The following LRCH1 variants were observed in gnomAD, a reference collection of about 807,000 sequenced individuals.
LRCH1 encodes leucine rich repeats and calponin homology domain containing 1.
LRCH1 carries 23 observed loss-of-function variants against 94.9 expected under a neutral mutation model. The observed-to-expected ratio is 0.24, with a 90% CI of 0.17 to 0.34. LRCH1 has a LOEUF of 0.34. Among genes scored for constraint, LRCH1 ranks in the 10% least tolerant of loss-of-function variants. The probability of loss-of-function intolerance (pLI) is 1.00; values close to 1 mark genes in which losing one functional copy is unlikely to be tolerated. For missense variants in LRCH1, 790 were observed against 945.9 expected, an observed-to-expected ratio of 0.84 and a Z score of 2.16; for synonymous variants, 364 against 354.9, an observed-to-expected ratio of 1.03 and a Z score of -0.29.
Position 46,693,417 on chromosome 13 carries a change from G to A in LRCH1, c.1120+776G>A, listed in dbSNP as rs533544588. Among the ~76,000 whole-genome samples, 11 of 152,238 alleles carry A rather than the reference G, an allele frequency of 7.2e-5. No homozygotes were observed. The East Asian group carries it at 1.4e-3, about 19-fold the overall frequency. On this transcript the variant is annotated intron_variant, in intron 8 of 19. Transcript: ENST00000389797. ...AGAAGAAGAGCGTGGAGGTTTGCTC[G>A]TGGGAGGTTTTTATGGACTGGGTCT...
At chr13:46,591,782 G>A (rs2050502635) in intron 1 of LRCH1, among the ~76,000 whole-genome samples, 1 of 152,194 alleles carries the variant, frequency 6.6e-6, no homozygotes, top group Admixed American at 6.5e-5. Flanking sequence ...AGAAAAATAG[G>A]GGCTTGGAGC....
In LRCH1 at chr13:46,687,947, G is replaced by A. The variant is rs1870707440; in HGVS notation, c.918G>A (p.Glu306=). 1.1e-5 allele frequency: 18 copies of A among 1,612,584 alleles called. No homozygotes were observed. The highest frequency in any genetic ancestry group is 3.3e-4 in the Middle Eastern group (2 of 6,060). Residue 306 remains glutamate (E), a synonymous_variant, in exon 6 of 20, where the codon GAG becomes GAA. Transcript: ENST00000389797. ...ACTCCCTTTATCTCCACACCATGGA[G>A]AGGCCACATTTACACCAGCACGTGG... is the stretch of plus-strand genomic sequence containing the variant. The part of the protein sequence containing the change: ...TADSLYLHTM[E]RPHLHQHVED...
At chr13:46,608,947 C>CA (rs2050717478) in intron 1 of LRCH1, among the ~76,000 whole-genome samples, 1 of 152,190 alleles carries the variant, frequency 6.6e-6, no homozygotes, top group African/African-American at 2.4e-5. Context: ...GCTTTTCCCT[C>CA]ACTTGCTCAT....
intron 6 of LRCH1, 120 bp downstream of exon 6, chr13:46,688,099 A>C: frequency 1.0e-6 from 1 of 978,568 alleles, no homozygotes; most frequent in Non-Finnish European, 1.4e-6. Flanking sequence ...AAAACAAAGC[A>C]AAACAGAACA....
At chr13:46,727,231 C>T (rs1872867721) in intron 17 of LRCH1, among the ~76,000 whole-genome samples, 1 of 152,090 alleles carries the variant, frequency 6.6e-6, no homozygotes, top group Admixed American at 6.5e-5. Context: ...ATACGTTATT[C>T]ATAACAAAAA....
At chr13:46,736,118 CTGTGTGTGTG>C (rs3138585) in intron 19 of LRCH1, among the ~76,000 whole-genome samples, 16 of 142,298 alleles carry the variant, frequency 1.1e-4, no homozygotes, top group South Asian at 7.0e-4. Context: ...CAAATTTGCT[CTGTGTGTGTG>C]TGTGTGTGTG....
At chr13:46,576,881 GT>G (rs1238160089) in intron 1 of LRCH1, among the ~76,000 whole-genome samples, 1 of 152,154 alleles carries the variant, frequency 6.6e-6, no homozygotes, top group Admixed American at 6.5e-5. Flanking sequence ...TCCAGACACA[GT>G]TTGGCTGGAT....
chr13:46,752,336 C>T (rs191597699), exon 19 of LRCH1: 6 of 152,270 alleles, frequency 3.9e-5, no homozygotes, highest in African/African-American at 1.2e-4. Context: ...TAGAGGGGGA[C>T]GCAAAAGAAA....
At chr13:46,574,331 A>AC (rs1402511465) in intron 1 of LRCH1, among the ~76,000 whole-genome samples, 1 of 152,022 alleles carries the variant, frequency 6.6e-6, no homozygotes, top group Non-Finnish European at 1.5e-5. Context: ...CCTACTATGT[A>AC]CCCCCAGAAA....
At chr13:46,725,940 G>A (rs890309247) in intron 17 of LRCH1, among the ~76,000 whole-genome samples, 3 of 152,138 alleles carry the variant, frequency 2.0e-5, no homozygotes, top group African/African-American at 7.2e-5. Context: ...GATCATTTAT[G>A]TCTTAATTTA....
chr13:46,703,780 C>T (rs964578770), intron 11 of LRCH1, among the ~76,000 whole-genome samples: 3 of 151,746 alleles, frequency 2.0e-5, no homozygotes, highest in Non-Finnish European at 4.4e-5. Flanking sequence ...TATGTAAAAA[C>T]GCACAATGTT....
intron 1 of LRCH1, among the ~76,000 whole-genome samples, chr13:46,640,405 C>T (rs949509076): frequency 6.6e-6 from 1 of 152,150 alleles, no homozygotes; most frequent in Non-Finnish European, 1.5e-5. Flanking sequence ...TAAGTAATTA[C>T]TTCCAAGTTC....
At chr13:46,688,439 A>G (rs78838977) in intron 6 of LRCH1, among the ~76,000 whole-genome samples, 6,307 of 152,290 alleles carry the variant, frequency 0.041, 191 homozygotes, top group Non-Finnish European at 0.066. Flanking sequence ...CAGTATGTGT[A>G]GTTTTGTCGC....
At chr13:46,569,560 T>G (rs574390547) in intron 1 of LRCH1, among the ~76,000 whole-genome samples, 1 of 152,236 alleles carries the variant, frequency 6.6e-6, no homozygotes, top group East Asian at 1.9e-4. Context: ...CCAAATTTCC[T>G]AAATCACTGT....
chr13:46,573,953 G>A (rs11839578), intron 1 of LRCH1, among the ~76,000 whole-genome samples: 4,340 of 146,572 alleles, frequency 0.03, 201 homozygotes, highest in African/African-American at 0.1. Flanking sequence ...ACCTCCACCT[G>A]CCTCGTTCAA....
chr13:46,646,497 A>G (rs2051222894), intron 1 of LRCH1, among the ~76,000 whole-genome samples: 1 of 152,182 alleles, frequency 6.6e-6, no homozygotes, highest in Non-Finnish European at 1.5e-5. Context: ...TTATATTTAA[A>G]TAATTATGTA....
intron 13 of LRCH1, among the ~76,000 whole-genome samples, chr13:46,706,627 T>A (rs1593366377): frequency 6.6e-6 from 1 of 152,174 alleles, no homozygotes. Flanking sequence ...CTCGCTTTGT[T>A]GCCCAGGTTA....
chr13:46,604,264 T>C (rs1226828969), intron 1 of LRCH1, among the ~76,000 whole-genome samples: 3 of 152,336 alleles, frequency 2.0e-5, no homozygotes, highest in Admixed American at 6.5e-5. Context: ...CTGGCAACCC[T>C]AACTGGGGTG....
chr13:46,591,666 G>A (rs1594268809), intron 1 of LRCH1, among the ~76,000 whole-genome samples: 1 of 152,284 alleles, frequency 6.6e-6, no homozygotes, highest in East Asian at 1.9e-4. Context: ...CCAGGAAGGG[G>A]CCCTAGAAAA....
Sources: allele counts gnomAD v4.1 joint callset (sites outside exome capture counted in the v4.1 genomes callset), GRCh38; gene constraint gnomAD v4.1.1; transcripts MANE v1.5; gene names NCBI Gene and HGNC (gene_info 2026-07-23, HGNC 2026-07-21).